Variants in BMPR1B observed in about 807,000 individuals in gnomAD.
BMPR1B encodes the protein bone morphogenetic protein receptor type 1B, also known as bone morphogenetic protein receptor type-1B.
Under a neutral mutation model 59.1 loss-of-function variants are expected in BMPR1B, and 12 were observed. That is an observed-to-expected ratio of 0.20 (90% CI 0.13 to 0.33). BMPR1B has a LOEUF of 0.33. Among genes scored for constraint, BMPR1B ranks in the 10% least tolerant of loss-of-function variants. The pLI is 1.00. For missense variants in BMPR1B, 550 were observed against 610.9 expected (o/e 0.90, Z 1.05); for synonymous variants, 237 against 207.3 (o/e 1.14, Z -1.23).
At position 95,125,021 on chromosome 4, in the gene BMPR1B, G is replaced by A; in HGVS notation, c.485G>A (p.Gly162Glu). 1 of 1,613,458 alleles carries A rather than the reference G, an allele frequency of 6.2e-7. No individual in the cohort carries two copies. The highest frequency in any genetic ancestry group is 8.5e-7 in the Non-Finnish European group (1 of 1,179,512). The change falls in exon 8 of 13, where the codon GGG (glycine) becomes GAG (glutamate). Residue 162 changes from glycine to glutamate, a missense_variant. Transcript: ENST00000515059. ...GAAACCAGACCTCGATACAGCATTG[G>A]GTTAGAACAGGATGAAACTTACATT... ...RQETRPRYSI[G>E]LEQDETYIPP...
At chr4:94,807,029 A>G (rs1453047831) in intron 1 of BMPR1B, among the ~76,000 whole-genome samples, 4 of 152,156 alleles carry the variant, frequency 2.6e-5, no homozygotes, top group African/African-American at 9.7e-5. Flanking sequence ...AATGAAAGAC[A>G]TCTGTATTAA....
intron 2 of BMPR1B, among the ~76,000 whole-genome samples, chr4:94,932,906 C>T (rs889634582): frequency 6.6e-6 from 1 of 152,028 alleles, no homozygotes; most frequent in Non-Finnish European, 1.5e-5. Context: ...CTGTCAGGAT[C>T]ATCATCTTTG....
At chr4:95,098,359 C>T (rs957308686) in intron 3 of BMPR1B, among the ~76,000 whole-genome samples, 3 of 152,052 alleles carry the variant, frequency 2.0e-5, no homozygotes, top group Non-Finnish European at 4.4e-5. Flanking sequence ...TGTTTATGAT[C>T]CAGAATGCCT....
chr4:94,943,143 A>G (rs1465153278), intron 2 of BMPR1B, among the ~76,000 whole-genome samples: 10 of 142,204 alleles, frequency 7.0e-5, no homozygotes, highest in African/African-American at 2.6e-4. Flanking sequence ...TCCACTCACT[A>G]TTTTTTTTTT....
intron 3 of BMPR1B, among the ~76,000 whole-genome samples, chr4:95,021,388 G>T (rs1034829322): frequency 6.6e-6 from 1 of 152,182 alleles, no homozygotes; most frequent in Non-Finnish European, 1.5e-5. Flanking sequence ...TTTAAAGAAG[G>T]TTTTTAACCT....
intron 2 of BMPR1B, among the ~76,000 whole-genome samples, chr4:94,879,584 CAG>C (rs1414278319): frequency 6.6e-6 from 1 of 152,110 alleles, no homozygotes; most frequent in East Asian, 1.9e-4. Context: ...GCTTGGATGA[CAG>C]AGCGAGACCC....
chr4:95,058,487 T>C (rs890701518), intron 3 of BMPR1B, among the ~76,000 whole-genome samples: 1 of 152,166 alleles, frequency 6.6e-6, no homozygotes, highest in South Asian at 2.1e-4. Context: ...AAAAAATCAA[T>C]TGTGTCACTT....
intron 1 of BMPR1B, among the ~76,000 whole-genome samples, chr4:94,818,205 A>G (rs2110649703): frequency 6.6e-6 from 1 of 151,582 alleles, no homozygotes; most frequent in African/African-American, 2.4e-5. Context: ...GCTTTTAGTT[A>G]TACTTTTATT....
chr4:94,895,688 G>A (rs540092065), intron 2 of BMPR1B, among the ~76,000 whole-genome samples: 165 of 151,038 alleles, frequency 1.1e-3, no homozygotes, highest in African/African-American at 3.6e-3. Flanking sequence ...TTTAAAAATA[G>A]GCTCTATATA....
intron 3 of BMPR1B, among the ~76,000 whole-genome samples, chr4:95,093,713 T>C (rs1730165716): frequency 6.6e-6 from 1 of 152,070 alleles, no homozygotes; most frequent in African/African-American, 2.4e-5. Flanking sequence ...TGATTATCCA[T>C]CATAACCCGG....
intron 2 of BMPR1B, among the ~76,000 whole-genome samples, chr4:94,959,257 A>AT (rs1730268712): frequency 6.6e-6 from 1 of 152,194 alleles, no homozygotes; most frequent in Non-Finnish European, 1.5e-5. Context: ...GTGGAATGAA[A>AT]TACCTTTTCC....
chr4:94,844,585 A>G (rs978030397), intron 1 of BMPR1B, among the ~76,000 whole-genome samples: 1 of 152,140 alleles, frequency 6.6e-6, no homozygotes, highest in Admixed American at 6.5e-5. Context: ...GGTACTATGT[A>G]GAGGAGCCTG....
chr4:94,839,336 A>G (rs1475675536), intron 1 of BMPR1B, among the ~76,000 whole-genome samples: 1 of 144,492 alleles, frequency 6.9e-6, no homozygotes. Context: ...TGTCTCGTTG[A>G]TCTGTCTAAT....
chr4:95,055,331 G>A (rs560645968), intron 3 of BMPR1B, among the ~76,000 whole-genome samples: 139 of 152,142 alleles, frequency 9.1e-4, no homozygotes, highest in South Asian at 6.9e-3. Context: ...AGTAAGAGGA[G>A]GATAACAAAC....
At chr4:95,032,436 G>C (rs1429189848) in intron 3 of BMPR1B, among the ~76,000 whole-genome samples, 1 of 152,084 alleles carries the variant, frequency 6.6e-6, no homozygotes, top group Non-Finnish European at 1.5e-5. Context: ...ACTGTAACAC[G>C]GGAAGTAGGG....
chr4:94,990,323 C>G (rs1721654774), intron 2 of BMPR1B, among the ~76,000 whole-genome samples: 1 of 152,092 alleles, frequency 6.6e-6, no homozygotes, highest in Non-Finnish European at 1.5e-5. Flanking sequence ...CCACTGCACT[C>G]CAGCCTGGGC....
At chr4:95,077,179 A>C (rs1728775303) in intron 3 of BMPR1B, among the ~76,000 whole-genome samples, 1 of 152,114 alleles carries the variant, frequency 6.6e-6, no homozygotes, top group Non-Finnish European at 1.5e-5. Flanking sequence ...GACATAGGAA[A>C]ACCTATCCTT....
chr4:94,983,013 A>T (rs996388548), intron 2 of BMPR1B, among the ~76,000 whole-genome samples: 4 of 151,936 alleles, frequency 2.6e-5, no homozygotes, highest in East Asian at 1.9e-4. Context: ...CAAACGAAAA[A>T]AAAATTGTCA....
intron 3 of BMPR1B, among the ~76,000 whole-genome samples, chr4:94,997,114 T>C (rs1195038513): frequency 2.0e-5 from 3 of 152,216 alleles, no homozygotes; most frequent in East Asian, 3.8e-4. Flanking sequence ...AGGAGAGTTA[T>C]CTACTGACAT....
Sources: allele counts gnomAD v4.1 joint callset (sites outside exome capture counted in the v4.1 genomes callset), GRCh38; gene constraint gnomAD v4.1.1; transcripts MANE v1.5; gene names NCBI Gene and HGNC (gene_info 2026-07-23, HGNC 2026-07-21).